Variants in DNAH12 observed in about 807,000 individuals in gnomAD.
The protein encoded by DNAH12 is axonemal beta dynein heavy chain 12.
In DNAH12, 285 loss-of-function variants were observed where a neutral mutation model predicts 371.5. The observed-to-expected ratio is 0.77, with a 90% CI of 0.70 to 0.85. The LOEUF (loss-of-function observed/expected upper bound fraction) is 0.85, where lower values mean the gene tolerates loss of function less well. DNAH12 is among the 40% of genes least tolerant of loss of function. The pLI is 0.00. For missense variants in DNAH12, 3,611 were observed against 3,689.4 expected (o/e 0.98, Z 0.55); for synonymous variants, 1,200 against 1,213.0 (o/e 0.99, Z 0.22).
intron 11 of DNAH12, among the ~76,000 whole-genome samples, chr3:57,499,673 T>TACAC (rs1553711698): frequency 0.015 from 687 of 44,374 alleles, 69 homozygotes; most frequent in South Asian, 0.071. Flanking sequence ...TATATATATA[T>TACAC]ATACTTCTTA....
intron 5 of DNAH12, among the ~76,000 whole-genome samples, chr3:57,509,776 C>T (rs193067815): frequency 0.015 from 2,152 of 145,470 alleles, 30 homozygotes; most frequent in Middle Eastern, 0.026. Flanking sequence ...GCAAGAGAAT[C>T]GCTTGAACCT....
At chr3:57,353,250 T>C (rs1159100106) in intron 59 of DNAH12, among the ~76,000 whole-genome samples, 37 of 152,242 alleles carry the variant, frequency 2.4e-4, no homozygotes, top group South Asian at 2.1e-4. Flanking sequence ...GTAATACTTA[T>C]GGGAATATAA....
chr3:57,489,248 A>T (rs904746529), intron 12 of DNAH12, among the ~76,000 whole-genome samples: 2 of 152,164 alleles, frequency 1.3e-5, no homozygotes, highest in African/African-American at 4.8e-5. Context: ...TATCATTATC[A>T]TGTAACCTGT....
intron 69 of DNAH12, among the ~76,000 whole-genome samples, chr3:57,302,568 T>TATA (rs1491312065): frequency 6.2e-5 from 3 of 48,602 alleles, no homozygotes; most frequent in African/African-American, 2.9e-4. Context: ...TATATATGTA[T>TATA]TTTTTTTTTT....
intron 11 of DNAH12, among the ~76,000 whole-genome samples, chr3:57,500,134 A>G (rs1438476084): frequency 1.5e-5 from 2 of 137,092 alleles, no homozygotes; most frequent in Non-Finnish European, 3.2e-5. Context: ...TTCGCCTCCC[A>G]GGTTCAAGCG....
At chr3:57,399,224 TCATAA>T (rs2153350424) in intron 43 of DNAH12, among the ~76,000 whole-genome samples, 1 of 151,756 alleles carries the variant, frequency 6.6e-6, no homozygotes, top group African/African-American at 2.4e-5. Context: ...ATAAAAATCA[TCATAA>T]CATAAAAGGC....
intron 43 of DNAH12, among the ~76,000 whole-genome samples, chr3:57,396,479 C>T (rs1041874087): frequency 6.6e-6 from 1 of 151,642 alleles, no homozygotes; most frequent in Non-Finnish European, 1.5e-5. Context: ...CTCACTGCAA[C>T]TTCTGCCTCC....
At chr3:57,542,135 A>G (rs2069311785) in intron 2 of DNAH12, among the ~76,000 whole-genome samples, 1 of 107,188 alleles carries the variant, frequency 9.3e-6, no homozygotes, top group South Asian at 3.5e-4. Context: ...TACCCAAATT[A>G]GTTTTAATTT....
chr3:57,391,318 A>G (rs36169824), intron 45 of DNAH12, among the ~76,000 whole-genome samples: 34,262 of 151,976 alleles, frequency 0.23, 4,461 homozygotes, highest in South Asian at 0.41. Context: ...TTCCTCCTGT[A>G]TGATTGCCTT....
chr3:57,525,140 G>C (rs2068592893), intron 2 of DNAH12, among the ~76,000 whole-genome samples: 1 of 141,240 alleles, frequency 7.1e-6, no homozygotes, highest in African/African-American at 2.7e-5. Context: ...CCATCAGGTA[G>C]GTAAGAGGAG....
At chr3:57,364,873 A>T (rs1286082132) in intron 57 of DNAH12, among the ~76,000 whole-genome samples, 2 of 152,266 alleles carry the variant, frequency 1.3e-5, no homozygotes, top group East Asian at 3.8e-4. Context: ...CAAGCTCAAC[A>T]TCACTGATCA....
intron 67 of DNAH12, among the ~76,000 whole-genome samples, 156 bp downstream of exon 67, chr3:57,310,560 AC>A (rs1400447472): frequency 6.6e-6 from 1 of 152,182 alleles, no homozygotes; most frequent in Non-Finnish European, 1.5e-5. Context: ...GAATACTCAA[AC>A]TTTTCTAATT....
intron 60 of DNAH12, among the ~76,000 whole-genome samples, chr3:57,337,985 A>C (rs1168677561): frequency 6.6e-6 from 1 of 152,124 alleles, no homozygotes; most frequent in Non-Finnish European, 1.5e-5. Context: ...ACAAAAAAGA[A>C]ACCTTAAAAA....
chr3:57,543,340 T>TTTTTTTTTA (rs2069383468), intron 1 of DNAH12, among the ~76,000 whole-genome samples: 1 of 112,140 alleles, frequency 8.9e-6, no homozygotes, highest in Non-Finnish European at 1.9e-5. Context: ...TTTTTTTTTT[T>TTTTTTTTTA]GAGACAGATT....
chr3:57,415,298 T>C, intron 38 of DNAH12, 128 bp downstream of exon 38: 1 of 1,261,088 alleles, frequency 7.9e-7, no homozygotes, highest in Non-Finnish European at 1.1e-6. Context: ...AACTTGTAAC[T>C]CCCCAAACAT....
At chr3:57,486,397 A>G (rs1038753270) in intron 12 of DNAH12, among the ~76,000 whole-genome samples, 19 of 151,372 alleles carry the variant, frequency 1.3e-4, no homozygotes, top group African/African-American at 4.6e-4. Flanking sequence ...TGGCAAAACC[A>G]TGTCTCTATT....
upstream of DNAH12, among the ~76,000 whole-genome samples, chr3:57,544,954 A>G (rs1190866782): frequency 6.6e-6 from 1 of 151,920 alleles, no homozygotes; most frequent in Non-Finnish European, 1.5e-5. Flanking sequence ...CATTCAACAA[A>G]TATTTGAGCA....
chr3:57,405,559 T>C (rs2063998269), intron 41 of DNAH12, 94 bp downstream of exon 41: 1 of 509,152 alleles, frequency 2.0e-6, no homozygotes, highest in Non-Finnish European at 3.0e-6. Flanking sequence ...AAGAATATGT[T>C]CATTAAGAAA....
intron 62 of DNAH12, among the ~76,000 whole-genome samples, chr3:57,331,673 T>A (rs2062099765): frequency 6.6e-6 from 1 of 152,188 alleles, no homozygotes; most frequent in Non-Finnish European, 1.5e-5. Context: ...ACTATTGCAA[T>A]CACTTTCAAA....
Sources: gnomAD v4.1 joint callset for allele counts (sites outside exome capture counted in the v4.1 genomes callset) on GRCh38, gnomAD v4.1.1 for gene constraint, MANE v1.5 for transcripts, NCBI Gene and HGNC (gene_info 2026-07-23, HGNC 2026-07-21) for gene names.